TMPRSS7: variants seen among roughly 807,000 people sequenced by gnomAD.
TMPRSS7 encodes transmembrane protease serine 7.
TMPRSS7 carries 81 observed loss-of-function variants against 95.6 expected under a neutral mutation model. The ratio of observed to expected loss-of-function variants is 0.85; its 90% CI spans 0.71 to 1.02. The LOEUF is 1.02. Among genes scored for constraint, TMPRSS7 ranks in the 50% least tolerant of loss-of-function variants. TMPRSS7 has a pLI of 0.00. For synonymous variants in TMPRSS7, 364 were observed against 337.8 expected (o/e 1.08, Z -0.85); for missense variants, 945 against 955.2 (o/e 0.99, Z 0.14).
intron 17 of TMPRSS7, among the ~76,000 whole-genome samples, 154 bp downstream of exon 17, chr3:112,079,032 A>G (rs1449769665): frequency 6.6e-6 from 1 of 152,230 alleles, no homozygotes; most frequent in South Asian, 2.1e-4. Context: ...ATTGCCTAAG[A>G]TCTTGGAGAG....
chr3:112,061,867 C>G lies in TMPRSS7; in HGVS notation c.1391C>G (p.Ser464Ter). 6.2e-7 allele frequency: 1 copy of G among 1,612,160 alleles called. No homozygotes were observed. The highest frequency in any genetic ancestry group is 8.5e-7 in the Non-Finnish European group (1 of 1,179,004). ...GTTCACATTCAGCTCCAGTGCAGTT[C>G]AAGGCTTTCAGACAAGCCACTTTTG... Residue 464 changes from serine to a stop codon, truncating the protein, a stop_gained, in exon 11 of 18, where the codon TCA becomes TGA. Coordinates refer to ENST00000452346, the Ensembl canonical transcript of TMPRSS7. LOFTEE classifies it high-confidence loss of function.
chr3:112,046,069 G>A (rs2073274908), intron 5 of TMPRSS7, 126 bp downstream of exon 5: 1 of 834,072 alleles, frequency 1.2e-6, no homozygotes, highest in Non-Finnish European at 1.9e-6. Context: ...AGTGGCGCAG[G>A]ATTAACTAAA....
chr3:112,045,636 G>A (rs2073269376), intron 4 of TMPRSS7, 114 bp from the exon 5 acceptor site: 5 of 987,062 alleles, frequency 5.1e-6, no homozygotes, highest in Non-Finnish European at 7.4e-6. Flanking sequence ...AAAGAAGGGA[G>A]CTAGCTTCAG....
intron 13 of TMPRSS7, among the ~76,000 whole-genome samples, chr3:112,067,291 C>T (rs1424041488): frequency 2.0e-5 from 3 of 152,216 alleles, no homozygotes; most frequent in East Asian, 1.9e-4. Context: ...AATAAACATA[C>T]GTGTGTATGT....
At chr3:112,055,494 A>G (rs2073422494) in intron 9 of TMPRSS7, among the ~76,000 whole-genome samples, 1 of 125,908 alleles carries the variant, frequency 7.9e-6, no homozygotes, top group Admixed American at 7.7e-5. Context: ...ATAACATATA[A>G]TACGATGACA....
chr3:112,057,369 T>C (rs1227069427), intron 10 of TMPRSS7, among the ~76,000 whole-genome samples: 1 of 152,208 alleles, frequency 6.6e-6, no homozygotes, highest in Admixed American at 6.5e-5. Context: ...TACAGATATG[T>C]ATATTCCACA....
At chr3:112,052,667 T>C (rs1460879334) in intron 9 of TMPRSS7, among the ~76,000 whole-genome samples, 1 of 151,928 alleles carries the variant, frequency 6.6e-6, no homozygotes, top group Admixed American at 6.6e-5. Flanking sequence ...AGGAAACAAA[T>C]CTCCATTTCT....
intron 17 of TMPRSS7, 23 bp from the exon 18 acceptor site, chr3:112,080,891 A>G: frequency 6.2e-7 from 1 of 1,601,002 alleles, no homozygotes; most frequent in African/African-American, 1.3e-5. Flanking sequence ...TTTACTTTAT[A>G]CTTACATTTT....
At chr3:112,068,867 G>C (rs897510038) in intron 13 of TMPRSS7, among the ~76,000 whole-genome samples, 2 of 152,198 alleles carry the variant, frequency 1.3e-5, no homozygotes, top group Non-Finnish European at 2.9e-5. Flanking sequence ...ATGTTGAATA[G>C]GAGTGGTGAG....
intron 17 of TMPRSS7, among the ~76,000 whole-genome samples, chr3:112,080,572 T>TACCACC (rs3082394): frequency 2.5e-4 from 38 of 150,412 alleles, no homozygotes; most frequent in Admixed American, 1.3e-3. Flanking sequence ...CTACTACTAT[T>TACCACC]ACCACCACCA....
intron 12 of TMPRSS7, among the ~76,000 whole-genome samples, chr3:112,065,386 C>G (rs534993402): frequency 6.6e-6 from 1 of 152,088 alleles, no homozygotes; most frequent in Admixed American, 6.6e-5. Flanking sequence ...CAAAATTTGT[C>G]TTAGCTTATG....
chr3:112,080,746 G>T (rs1331275525), intron 17 of TMPRSS7, among the ~76,000 whole-genome samples, 168 bp from the exon 18 acceptor site: 1 of 152,148 alleles, frequency 6.6e-6, no homozygotes, highest in African/African-American at 2.4e-5. Context: ...ATTATAAAAT[G>T]ATAGAAGTTT....
intron 9 of TMPRSS7, among the ~76,000 whole-genome samples, chr3:112,055,490 T>G (rs1012752190): frequency 4.4e-5 from 5 of 114,880 alleles, no homozygotes; most frequent in Non-Finnish European, 1.0e-4. Context: ...CAGCATAACA[T>G]ATAATACGAT....
intron 12 of TMPRSS7, among the ~76,000 whole-genome samples, chr3:112,065,267 C>T (rs1282995516): frequency 2.0e-5 from 3 of 152,122 alleles, no homozygotes; most frequent in East Asian, 3.9e-4. Flanking sequence ...GTCTAAAACT[C>T]CTGACCTCAA....
At chr3:112,043,128 A>G (rs1173387456) in intron 3 of TMPRSS7, 7 of 455,818 alleles carry the variant, frequency 1.5e-5, no homozygotes, top group Non-Finnish European at 3.1e-5. Context: ...CAATGGAGAT[A>G]CTGTTGTACA....
At chr3:112,064,641 G>A (rs1386235516) in intron 12 of TMPRSS7, among the ~76,000 whole-genome samples, 1 of 152,146 alleles carries the variant, frequency 6.6e-6, no homozygotes, top group Non-Finnish European at 1.5e-5. Flanking sequence ...GAGATTACAG[G>A]CACGAGCCAC....
chr3:112,076,875 G>A lies in TMPRSS7; in HGVS notation c.1956-1G>A. ...TTTATGTTTCATTACTGTTCTATCA[G>A]GCTGTCAGATCCCACACCATGGACT... On this transcript the variant is annotated splice_acceptor_variant, in intron 15 of 17. Transcript: ENST00000452346. LOFTEE classifies it high-confidence loss of function. 1 of 1,613,404 alleles carries A rather than the reference G, an allele frequency of 6.2e-7. No individual in the cohort carries two copies. Among genetic ancestry groups the A allele is most frequent in the Non-Finnish European group, 8.5e-7 (1 of 1,179,648 alleles).
chr3:112,043,650 TG>T (rs1442394001), intron 3 of TMPRSS7, among the ~76,000 whole-genome samples: 1 of 152,160 alleles, frequency 6.6e-6, no homozygotes, highest in Non-Finnish European at 1.5e-5. Context: ...AGAAAATGAC[TG>T]GGGAGAAGAG....
chr3:112,074,096 G>A (rs571877608), intron 13 of TMPRSS7, among the ~76,000 whole-genome samples, 200 bp from the exon 14 acceptor site: 9 of 152,324 alleles, frequency 5.9e-5, no homozygotes, highest in Admixed American at 3.9e-4. Flanking sequence ...GCCTGCCAGC[G>A]TTCAAATGGC....
Sources: gnomAD v4.1 joint callset for allele counts (sites outside exome capture counted in the v4.1 genomes callset) on GRCh38, gnomAD v4.1.1 for gene constraint, MANE v1.5 for transcripts, NCBI Gene and HGNC (gene_info 2026-07-23, HGNC 2026-07-21) for gene names.